The following EYA3 variants were observed in gnomAD, a reference collection of about 807,000 sequenced individuals.
EYA3 encodes the protein EYA transcriptional coactivator and phosphatase 3.
Under a neutral mutation model 80.0 loss-of-function variants are expected in EYA3, and 39 were observed. The observed-to-expected ratio is 0.49, with a 90% CI of 0.38 to 0.64. The LOEUF (loss-of-function observed/expected upper bound fraction) is 0.64. EYA3 is among the 30% of genes least tolerant of loss of function. The pLI, the probability that EYA3 is intolerant of heterozygous loss-of-function variation, is 0.00. For synonymous variants in EYA3, 206 were observed against 232.8 expected, an observed-to-expected ratio of 0.88 and a Z score of 1.05; for missense variants, 523 against 676.1, an observed-to-expected ratio of 0.77 and a Z score of 2.51.
intron 7 of EYA3, among the ~76,000 whole-genome samples, chr1:28,022,358 C>T (rs1428200167): frequency 1.3e-5 from 2 of 151,886 alleles, no homozygotes; most frequent in Non-Finnish European, 2.9e-5. Context: ...CCATGTTAGC[C>T]AGGATGGTCT....
chr1:28,042,743 T>A, intron 3 of EYA3, 93 bp from the exon 4 acceptor site: 1 of 960,726 alleles, frequency 1.0e-6, no homozygotes, highest in Non-Finnish European at 1.7e-6. Context: ...CTAGGCTATA[T>A]AAGTAAGAGG....
intron 2 of EYA3, among the ~76,000 whole-genome samples, chr1:28,056,723 G>T (rs988579308): frequency 6.6e-6 from 1 of 152,206 alleles, no homozygotes; most frequent in Admixed American, 6.5e-5. Context: ...AGAGATAGAT[G>T]ACTTGTTAGC....
chr1:28,043,822 A>G (rs552068545), intron 3 of EYA3, among the ~76,000 whole-genome samples: 2 of 152,226 alleles, frequency 1.3e-5, no homozygotes, highest in Non-Finnish European at 2.9e-5. Context: ...TAGGCGACAC[A>G]GTGAGACTCT....
intron 17 of EYA3, chr1:27,977,405 T>C (rs1260081742): frequency 1.3e-6 from 2 of 1,549,106 alleles, no homozygotes; most frequent in African/African-American, 2.7e-5. Flanking sequence ...AGAAAATAAA[T>C]TGGGATAGGG....
At chr1:28,058,710 T>A (rs11247743) in intron 1 of EYA3, among the ~76,000 whole-genome samples, 10,709 of 152,206 alleles carry the variant, frequency 0.07, 671 homozygotes, top group East Asian at 0.25. Flanking sequence ...CCTAATTTAA[T>A]TCTGAAATAA....
Position 28,013,484 on chromosome 1 carries a change from G to A in EYA3, c.586-190C>T, listed in dbSNP as rs147966307. ...CAAAATGCATTCTGTGGAAACCTAA[G>A]TCAAGAGATGTCCCAGGAGCAGTCT... On this transcript the variant is annotated intron_variant, in intron 8 of 17. Transcript: ENST00000373871. This position sits in a 1 kb window ranked among gnomAD's most constrained non-coding sequence, Gnocchi z 4.0. Among the ~76,000 whole-genome samples the A allele has an allele frequency of 3.9e-5, 6 of 152,218 alleles. No individual in the cohort carries two copies. The highest frequency in any genetic ancestry group is 5.9e-5 in the Non-Finnish European group (4 of 68,010).
At chr1:27,981,869 T>C (rs1282568476) in intron 16 of EYA3, among the ~76,000 whole-genome samples, 2 of 152,110 alleles carry the variant, frequency 1.3e-5, no homozygotes, top group Non-Finnish European at 2.9e-5. Context: ...GACAAAGTCT[T>C]GCTATGCCAT....
In EYA3 at chr1:28,014,017, T is replaced by C. The variant is rs1035670006; in HGVS notation, c.586-723A>G. Among the ~76,000 whole-genome samples, 3 of 152,218 alleles carry C rather than the reference T, an allele frequency of 2.0e-5. No individual in the cohort carries two copies. The South Asian group carries it at 6.2e-4, about 32-fold the overall frequency. ...AGCGGAGGTTGCAGTGAGCCGAGAT[T>C]GCATCACTGCACTCCAGCCTGGGTG... On this transcript the variant is annotated intron_variant, in intron 8 of 17. Coordinates refer to ENST00000373871, the MANE Select transcript of EYA3 (RefSeq NM_001990.4).
At chr1:27,986,903 C>T (rs191964698) in intron 16 of EYA3, among the ~76,000 whole-genome samples, 6 of 151,780 alleles carry the variant, frequency 4.0e-5, no homozygotes, top group Non-Finnish European at 7.4e-5. Context: ...GGGGTTTCAC[C>T]GTGTGAGCCA....
At chr1:28,056,000 T>A (rs1269288475) in intron 2 of EYA3, among the ~76,000 whole-genome samples, 3 of 152,182 alleles carry the variant, frequency 2.0e-5, no homozygotes, top group Non-Finnish European at 4.4e-5. Context: ...AAAAGCTTTT[T>A]TTTTTTACCT....
chr1:28,084,591 ATATATTTTTTTTTTTTTTTTTT>A (rs1645576636), intron 1 of EYA3, among the ~76,000 whole-genome samples: 2 of 15,214 alleles, frequency 1.3e-4, no homozygotes, highest in Admixed American at 8.8e-4. Flanking sequence ...ATATATATAT[ATATATTTTTTTTTTTTTTTTTT>A]TTTTTTTTTT....
At chr1:28,073,757 T>C (rs1325979795) in intron 1 of EYA3, among the ~76,000 whole-genome samples, 1 of 152,200 alleles carries the variant, frequency 6.6e-6, no homozygotes, top group East Asian at 1.9e-4. Context: ...GATGTGGTTT[T>C]ACAAAATTGT....
chr1:28,054,491 C>T (rs987242973), intron 2 of EYA3, among the ~76,000 whole-genome samples: 5 of 152,156 alleles, frequency 3.3e-5, no homozygotes, highest in African/African-American at 1.2e-4. Context: ...AGTTCTAACC[C>T]TCCAGATTCA....
intron 2 of EYA3, among the ~76,000 whole-genome samples, chr1:28,056,319 A>G (rs1644435133): frequency 7.0e-6 from 1 of 142,870 alleles, no homozygotes; most frequent in Non-Finnish European, 1.6e-5. Context: ...GTCAACGCTA[A>G]GCTGTTTACC....
intron 1 of EYA3, among the ~76,000 whole-genome samples, chr1:28,085,445 TTTTGTTTTTTGTCTCA>T (rs1489188398): frequency 2.6e-5 from 4 of 151,542 alleles, no homozygotes; most frequent in African/African-American, 9.8e-5. Context: ...CAAGGTTTTG[TTTTGTTTTTTGTCTCA>T]AAAAAACAAA....
At chr1:28,024,396 C>A (rs970258772) in intron 7 of EYA3, among the ~76,000 whole-genome samples, 3 of 152,062 alleles carry the variant, frequency 2.0e-5, no homozygotes, top group Non-Finnish European at 4.4e-5. Context: ...GTGGCTCATG[C>A]CTGTAATCCC....
chr1:28,061,730 G>A (rs1304822478), intron 1 of EYA3, among the ~76,000 whole-genome samples: 1 of 152,124 alleles, frequency 6.6e-6, no homozygotes, highest in Non-Finnish European at 1.5e-5. Context: ...CTCCTGAATA[G>A]TTGGGACTAC....
chr1:28,047,023 G>GT (rs998488449), intron 3 of EYA3, among the ~76,000 whole-genome samples: 10 of 151,372 alleles, frequency 6.6e-5, no homozygotes, highest in Non-Finnish European at 1.2e-4. Flanking sequence ...TTGTTTTTGT[G>GT]TTTTTTATAG....
At chr1:28,020,955 G>A (rs765707215) in intron 7 of EYA3, among the ~76,000 whole-genome samples, 1 of 152,016 alleles carries the variant, frequency 6.6e-6, no homozygotes, top group Non-Finnish European at 1.5e-5. Context: ...TTGAGAACCA[G>A]GCCCCACTAG....
Sources: gnomAD v4.1 joint callset for allele counts (sites outside exome capture counted in the v4.1 genomes callset) on GRCh38, gnomAD v4.1.1 for gene constraint, Gnocchi (gnomAD v3.1) non-coding constraint, MANE v1.5 for transcripts, NCBI Gene and HGNC (gene_info 2026-07-23, HGNC 2026-07-21) for gene names.